RBP2: variants seen among roughly 807,000 people sequenced by gnomAD.
RBP2 encodes the protein retinol binding protein 2, also known as retinol-binding protein 2.
Under a neutral mutation model 17.0 loss-of-function variants are expected in RBP2, and 17 were observed. The observed-to-expected ratio is 1.00, with a 90% CI of 0.68 to 1.50. RBP2 has a LOEUF of 1.50. Ranked by LOEUF, RBP2 falls within the 40% of genes most tolerant of loss-of-function variation. The pLI is 0.00. For missense variants in RBP2, 158 were observed against 168.2 expected, an observed-to-expected ratio of 0.94 and a Z score of 0.33; for synonymous variants, 48 against 57.1, an observed-to-expected ratio of 0.84 and a Z score of 0.72.
intron 1 of RBP2, among the ~76,000 whole-genome samples, chr3:139,462,665 CT>C (rs1933234120): frequency 6.6e-6 from 1 of 151,668 alleles, no homozygotes; most frequent in African/African-American, 2.4e-5. Flanking sequence ...ACAAAAAGAT[CT>C]CATGATTTAA....
At chr3:139,457,102 C>T (rs1162695693) in intron 2 of RBP2, among the ~76,000 whole-genome samples, 1 of 152,196 alleles carries the variant, frequency 6.6e-6, no homozygotes, top group Non-Finnish European at 1.5e-5. Context: ...ATGCCTGTCT[C>T]CCCCAGTAGA....
At chr3:139,458,221 C>T (rs777669503) in intron 2 of RBP2, among the ~76,000 whole-genome samples, 1 of 151,674 alleles carries the variant, frequency 6.6e-6, no homozygotes, top group Non-Finnish European at 1.5e-5. Context: ...AACAACAGCT[C>T]TTTAAGAGCA....
intron 1 of RBP2, among the ~76,000 whole-genome samples, chr3:139,467,258 A>G (rs1459629149): frequency 2.0e-5 from 3 of 152,250 alleles, no homozygotes; most frequent in South Asian, 4.1e-4. Context: ...GGAACGTGTT[A>G]GAAATGCAGG....
At chr3:139,469,426 A>T (rs1933474426) in intron 1 of RBP2, among the ~76,000 whole-genome samples, 1 of 152,094 alleles carries the variant, frequency 6.6e-6, no homozygotes, top group Non-Finnish European at 1.5e-5. Context: ...GCTTACTGGG[A>T]TGGACATTAG....
chr3:139,454,865 T>G (rs375635921), intron 2 of RBP2, 35 bp from the exon 3 acceptor site: 22 of 1,588,228 alleles, frequency 1.4e-5, no homozygotes, highest in Middle Eastern at 3.3e-4. Flanking sequence ...ATCAAACACA[T>G]GGTCTTGAGG....
At chr3:139,468,952 T>A (rs1215006838) in intron 1 of RBP2, among the ~76,000 whole-genome samples, 1 of 152,194 alleles carries the variant, frequency 6.6e-6, no homozygotes, top group African/African-American at 2.4e-5. Flanking sequence ...TAAAACATAC[T>A]TTTCATAACT....
At chr3:139,459,460 A>G (rs1159910707) in intron 2 of RBP2, among the ~76,000 whole-genome samples, 1 of 143,880 alleles carries the variant, frequency 7.0e-6, no homozygotes, top group African/African-American at 2.6e-5. Flanking sequence ...TTATATATAA[A>G]TATATATATA....
chr3:139,458,807 A>G (rs1028205624), intron 2 of RBP2, among the ~76,000 whole-genome samples: 8 of 152,022 alleles, frequency 5.3e-5, no homozygotes, highest in Non-Finnish European at 1.2e-4. Context: ...GGCTGCATAT[A>G]CTCCACATTC....
chr3:139,454,951 C>CT, intron 2 of RBP2, 121 bp from the exon 3 acceptor site: 1 of 937,090 alleles, frequency 1.1e-6, no homozygotes, highest in Non-Finnish European at 1.7e-6. Context: ...GGGCAGAGCC[C>CT]TCAGCCTCAG....
chr3:139,464,113 C>T (rs1278241315), intron 1 of RBP2, among the ~76,000 whole-genome samples: 1 of 152,276 alleles, frequency 6.6e-6, no homozygotes, highest in African/African-American at 2.4e-5. Context: ...GGTGGCCAAG[C>T]ATCACTTCCC....
chr3:139,465,582 C>G (rs1316409034), intron 1 of RBP2, among the ~76,000 whole-genome samples: 1 of 151,994 alleles, frequency 6.6e-6, no homozygotes, highest in Non-Finnish European at 1.5e-5. Context: ...CTGGGGTAGC[C>G]CAGTTAGACC....
chr3:139,471,340 A>AT (rs1447707112), intron 1 of RBP2, among the ~76,000 whole-genome samples: 17 of 152,318 alleles, frequency 1.1e-4, no homozygotes, highest in Middle Eastern at 3.4e-3. Flanking sequence ...TCAAGATGAG[A>AT]TTTTGCACAA....
chr3:139,466,789 G>A (rs1043345289), intron 1 of RBP2: 2 of 152,194 alleles, frequency 1.3e-5, no homozygotes, highest in Admixed American at 6.5e-5. Flanking sequence ...TGAAGCCCCT[G>A]ATCTCACAGG....
intron 1 of RBP2, among the ~76,000 whole-genome samples, chr3:139,465,390 C>A (rs561063236): frequency 6.6e-6 from 1 of 152,142 alleles, no homozygotes; most frequent in Non-Finnish European, 1.5e-5. Context: ...AAACCTTCCT[C>A]ATTTTATTCT....
At chr3:139,453,257 T>C in intron 3 of RBP2, 91 bp from the exon 4 acceptor site, 3 of 1,452,912 alleles carry the variant, frequency 2.1e-6, no homozygotes, top group Non-Finnish European at 2.9e-6. Flanking sequence ...GGTGGGAGGT[T>C]GGAATAAAGA....
At chr3:139,475,482 C>T (rs1346938267) in intron 1 of RBP2, among the ~76,000 whole-genome samples, 1 of 152,082 alleles carries the variant, frequency 6.6e-6, no homozygotes, top group Admixed American at 6.5e-5. Flanking sequence ...TTGGAGAGAC[C>T]TCCCACCATC....
intron 3 of RBP2, among the ~76,000 whole-genome samples, chr3:139,453,754 G>T (rs1284226965): frequency 1.3e-5 from 2 of 152,230 alleles, no homozygotes; most frequent in African/African-American, 2.4e-5. Flanking sequence ...AAAAACATGA[G>T]TGTGGGAAGG....
In RBP2 at chr3:139,462,105, T is replaced by C; in HGVS notation, c.252+7A>G. 1 of 1,613,574 alleles carries C rather than the reference T, an allele frequency of 6.2e-7. No individual in the cohort carries two copies. Among genetic ancestry groups the C allele is most frequent in the African/African-American group, 1.3e-5 (1 of 74,984 alleles). ...TGTGAATGAAAAACACCAGCCCCGG[T>C]CAGTACCTTAACATGCCGGTTATCC... On this transcript the variant is annotated splice_region_variant and intron_variant, in intron 2 of 3. Transcript: ENST00000232217.
At chr3:139,457,399 C>A (rs1204808148) in intron 2 of RBP2, among the ~76,000 whole-genome samples, 1 of 152,064 alleles carries the variant, frequency 6.6e-6, no homozygotes, top group African/African-American at 2.4e-5. Context: ...ACTGACTTAG[C>A]CCTGGCATGT....
Sources: gnomAD v4.1 joint callset for allele counts (sites outside exome capture counted in the v4.1 genomes callset) on GRCh38, gnomAD v4.1.1 for gene constraint, MANE v1.5 for transcripts, NCBI Gene and HGNC (gene_info 2026-07-23, HGNC 2026-07-21) for gene names.